Variants in ROBO1 observed in about 807,000 individuals in gnomAD.
ROBO1 encodes the protein roundabout homolog 1.
ROBO1 carries 149 observed loss-of-function variants against 195.9 expected under a neutral mutation model. The observed-to-expected ratio is 0.76, with a 90% CI of 0.67 to 0.87. The LOEUF (loss-of-function observed/expected upper bound fraction) is 0.87, where lower values mean the gene tolerates loss of function less well. Ranked by LOEUF, ROBO1 falls within the 40% of genes least tolerant of loss-of-function variation. The probability of loss-of-function intolerance (pLI) is 0.00; values close to 1 mark genes in which losing one functional copy is unlikely to be tolerated. For missense variants in ROBO1, 1,933 were observed against 2,068.3 expected (o/e 0.93, Z 1.27); for synonymous variants, 816 against 733.2 (o/e 1.11, Z -1.82).
At chr3:79,079,206 T>G (rs2079226969) in intron 3 of ROBO1, among the ~76,000 whole-genome samples, 1 of 151,832 alleles carries the variant, frequency 6.6e-6, no homozygotes, top group South Asian at 2.1e-4. Context: ...ATGTGAAGCT[T>G]ATTCAGACTT....
At chr3:79,304,168 C>G (rs1176423368) in intron 2 of ROBO1, among the ~76,000 whole-genome samples, 1 of 152,138 alleles carries the variant, frequency 6.6e-6, no homozygotes, top group Non-Finnish European at 1.5e-5. Context: ...ATAAGTAATC[C>G]AAGTAAACCT....
intron 3 of ROBO1, among the ~76,000 whole-genome samples, chr3:79,040,071 C>T (rs1210159558): frequency 6.6e-6 from 1 of 152,032 alleles, no homozygotes; most frequent in African/African-American, 2.4e-5. Flanking sequence ...CAAGTTACAA[C>T]CAATCAGAGA....
chr3:79,195,353 A>T (rs148082767), intron 2 of ROBO1, among the ~76,000 whole-genome samples: 149 of 151,702 alleles, frequency 9.8e-4, no homozygotes, highest in Non-Finnish European at 1.7e-3. Flanking sequence ...GGTTGTCTAA[A>T]ATTGCAGAGT....
At chr3:79,134,188 C>G (rs2080351972) in intron 2 of ROBO1, among the ~76,000 whole-genome samples, 4 of 140,448 alleles carry the variant, frequency 2.8e-5, no homozygotes, top group Admixed American at 2.2e-4. Flanking sequence ...AACAAATTTA[C>G]AAGAAAAAAA....
chr3:79,260,162 G>A (rs2082913467), intron 2 of ROBO1, among the ~76,000 whole-genome samples: 1 of 151,272 alleles, frequency 6.6e-6, no homozygotes, highest in Non-Finnish European at 1.5e-5. Flanking sequence ...TCAGCTAATT[G>A]AGTTAAAATC....
chr3:79,619,848 A>T (rs897289273), intron 1 of ROBO1, among the ~76,000 whole-genome samples: 5 of 152,180 alleles, frequency 3.3e-5, no homozygotes, highest in Non-Finnish European at 7.3e-5. Flanking sequence ...CTGATGTAAG[A>T]AAAAGGTCCA....
chr3:79,729,987 T>C (rs1048440043), intron 1 of ROBO1, among the ~76,000 whole-genome samples: 1 of 152,242 alleles, frequency 6.6e-6, no homozygotes, highest in Non-Finnish European at 1.5e-5. Context: ...CATAATGTTT[T>C]ACTTTGCTAA....
intron 2 of ROBO1, among the ~76,000 whole-genome samples, chr3:79,353,914 G>A (rs1033683152): frequency 2.6e-5 from 4 of 151,906 alleles, no homozygotes; most frequent in African/African-American, 9.7e-5. Flanking sequence ...GCATAGTGGT[G>A]GGCACCTGTA....
chr3:79,676,228 T>A (rs536333393), intron 1 of ROBO1, among the ~76,000 whole-genome samples: 1 of 152,220 alleles, frequency 6.6e-6, no homozygotes, highest in South Asian at 2.1e-4. Context: ...ATTGCAACTG[T>A]AAAATAAGAA....
chr3:79,672,968 C>T (rs1442488693), intron 1 of ROBO1, among the ~76,000 whole-genome samples: 3 of 151,866 alleles, frequency 2.0e-5, no homozygotes, highest in African/African-American at 7.2e-5. Context: ...GTAAGAAAAT[C>T]CTCTCAAGAG....
rs151239734 is a variant in ROBO1, at chr3:78,945,100, T to C, written c.173-6173A>G. ...AGGCTCCACCTCTGGGGTCAGGGCA[T>C]GGACAAACAAAAAGATAGCAGTAAC... On this transcript the variant is annotated intron_variant, in intron 3 of 30. Transcript: ENST00000464233. Among the ~76,000 whole-genome samples, 1,134 of 152,326 alleles carry C rather than the reference T, an allele frequency of 7.4e-3. 12 individuals are homozygous for C. The highest frequency in any genetic ancestry group is 0.026 in the African/African-American group (1,094 of 41,576).
At chr3:79,605,344 G>T (rs1410910922) in intron 1 of ROBO1, among the ~76,000 whole-genome samples, 1 of 150,858 alleles carries the variant, frequency 6.6e-6, no homozygotes, top group East Asian at 2.0e-4. Context: ...TTCTTTTCTG[G>T]GAAAATTCCA....
intron 5 of ROBO1, among the ~76,000 whole-genome samples, chr3:78,735,016 G>A (rs558088767): frequency 2.0e-5 from 3 of 152,052 alleles, no homozygotes; most frequent in Non-Finnish European, 4.4e-5. Context: ...AGCCCATAAA[G>A]GTATATATCT....
At chr3:78,705,781 T>C (rs1009167225) in intron 8 of ROBO1, among the ~76,000 whole-genome samples, 1 of 152,172 alleles carries the variant, frequency 6.6e-6, no homozygotes, top group Non-Finnish European at 1.5e-5. Flanking sequence ...CTGTCTCTTC[T>C]GGAGCTGGGA....
At chr3:79,160,460 A>G (rs780638315) in intron 2 of ROBO1, among the ~76,000 whole-genome samples, 11 of 152,030 alleles carry the variant, frequency 7.2e-5, no homozygotes, top group Admixed American at 5.3e-4. Flanking sequence ...GTCTTCATAT[A>G]GAACTGTTCA....
At chr3:79,313,912 C>A (rs751987584) in intron 2 of ROBO1, among the ~76,000 whole-genome samples, 10 of 152,080 alleles carry the variant, frequency 6.6e-5, no homozygotes, top group Non-Finnish European at 1.3e-4. Flanking sequence ...TTGAGGCAAG[C>A]AATAAAGATA....
intron 25 of ROBO1, among the ~76,000 whole-genome samples, chr3:78,628,143 G>T (rs1704935170): frequency 6.6e-6 from 1 of 151,946 alleles, no homozygotes; most frequent in South Asian, 2.1e-4. Context: ...TAGTAGAGAT[G>T]GGGTTTCACC....
intron 4 of ROBO1, among the ~76,000 whole-genome samples, chr3:78,757,007 T>C (rs1482699692): frequency 6.6e-6 from 1 of 152,172 alleles, no homozygotes; most frequent in African/African-American, 2.4e-5. Context: ...TTCTCCTGCC[T>C]CAGCCTCCCA....
intron 2 of ROBO1, among the ~76,000 whole-genome samples, chr3:79,560,855 G>T (rs534881070): frequency 6.6e-6 from 1 of 152,158 alleles, no homozygotes; most frequent in East Asian, 1.9e-4. Context: ...TGTTATTTAA[G>T]TTGTCATGTA....
Sources: gnomAD v4.1 joint callset for allele counts (sites outside exome capture counted in the v4.1 genomes callset) on GRCh38, gnomAD v4.1.1 for gene constraint, MANE v1.5 for transcripts, NCBI Gene and HGNC (gene_info 2026-07-23, HGNC 2026-07-21) for gene names.